Variants in PLG observed in about 807,000 individuals in gnomAD.
The protein encoded by PLG is plasmin.
PLG carries 41 observed loss-of-function variants against 104.4 expected under a neutral mutation model. The ratio of observed to expected loss-of-function variants is 0.39; its 90% CI spans 0.31 to 0.51. The LOEUF (loss-of-function observed/expected upper bound fraction) is 0.51, where lower values mean the gene tolerates loss of function less well. PLG is among the 20% of genes least tolerant of loss of function. PLG has a pLI of 0.76. For synonymous variants in PLG, 337 were observed against 357.1 expected (o/e 0.94, Z 0.63); for missense variants, 891 against 1,003.6 (o/e 0.89, Z 1.52).
chr6:160,713,136 G>T lies in PLG; in HGVS notation c.547+11G>T, dbSNP rs764083978. 8.7e-6 allele frequency: 14 copies of T among 1,606,168 alleles called. No homozygotes were observed. The highest frequency in any genetic ancestry group is 9.4e-6 in the Non-Finnish European group (11 of 1,174,538). ...TTCTTGAGTGTGAAGGTCAGGAGTG[G>T]TTCTAGAAAATGTTTTCATTTCTGC... is the stretch of plus-strand genomic sequence containing the variant. On this transcript the variant is annotated intron_variant, in intron 5 of 18. Transcript: ENST00000308192.
intron 17 of PLG, among the ~76,000 whole-genome samples, chr6:160,746,701 T>A (rs1184818763): frequency 6.6e-6 from 1 of 152,222 alleles, no homozygotes; most frequent in African/African-American, 2.4e-5. Context: ...GGAGGACATA[T>A]GGCACTCCGG....
At chr6:160,709,888 A>C (rs942042065) in intron 3 of PLG, among the ~76,000 whole-genome samples, 2 of 152,250 alleles carry the variant, frequency 1.3e-5, no homozygotes, top group Admixed American at 1.3e-4. Context: ...GGTAACCTTA[A>C]ATGATGGTGT....
At position 160,744,960 on chromosome 6, in the gene PLG, G is replaced by A. The variant is rs778100711; in HGVS notation, c.2125+3543G>A. On this transcript the variant is annotated intron_variant, in intron 17 of 18. Transcript: ENST00000308192. This position sits in a 1 kb window ranked among gnomAD's most constrained non-coding sequence, Gnocchi z 4.5. ...TTGTTTGATTTCCATGTAATTGTACGGTTTTGAGTTATTTTCTTAGTCTTG... is the reference window on the plus strand; with the variant it reads ...TTGTTTGATTTCCATGTAATTGTACAGTTTTGAGTTATTTTCTTAGTCTTG... Among the ~76,000 whole-genome samples the A allele has an allele frequency of 1.3e-4, 20 of 152,104 alleles. No individual in the cohort carries two copies. The highest frequency in any genetic ancestry group is 4.6e-4 in the African/African-American group (19 of 41,416).
intron 5 of PLG, among the ~76,000 whole-genome samples, chr6:160,713,753 T>C: frequency 6.6e-6 from 1 of 152,228 alleles, no homozygotes; most frequent in East Asian, 1.9e-4. Flanking sequence ...AATATATATT[T>C]AATGTGGTAG....
chr6:160,703,841 C>A (rs1463327392), intron 1 of PLG, among the ~76,000 whole-genome samples: 1 of 152,236 alleles, frequency 6.6e-6, no homozygotes, highest in Non-Finnish European at 1.5e-5. Flanking sequence ...TATGTTTTAA[C>A]CCACCTGGTG....
rs1288534971 is a variant in PLG, at chr6:160,732,740, G to A, written c.1587+847G>A. Among the ~76,000 whole-genome samples, 1 of 152,174 alleles carries A rather than the reference G, an allele frequency of 6.6e-6. No homozygotes were observed. The highest frequency in any genetic ancestry group is 1.5e-5 in the Non-Finnish European group (1 of 68,028). Reference sequence around the variant, plus strand: ...ATAAAAGATATTACAAAGGATCCTGGTGAACAGCCAGACAGAAGAGATGCA... The same window carrying A: ...ATAAAAGATATTACAAAGGATCCTGATGAACAGCCAGACAGAAGAGATGCA... On this transcript the variant is annotated intron_variant, in intron 12 of 18. Transcript: ENST00000308192. The surrounding 1 kb of genome is among the most constrained non-coding windows in gnomAD (Gnocchi z 4.5).
intron 5 of PLG, among the ~76,000 whole-genome samples, chr6:160,714,055 G>A (rs1421266211): frequency 6.6e-6 from 1 of 152,170 alleles, no homozygotes; most frequent in African/African-American, 2.4e-5. Flanking sequence ...TGTACACCAT[G>A]TTATAGGTAT....
In PLG at chr6:160,710,260, C is replaced by A. The variant is rs536299082; in HGVS notation, c.293-817C>A. On this transcript the variant is annotated intron_variant, in intron 3 of 18. Transcript: ENST00000308192. ...TAAAAACATTTAATTTAGTTAAAAACCAAACAAAAAAGAGCTTTGTTTCTT... is the reference window on the plus strand; with the variant it reads ...TAAAAACATTTAATTTAGTTAAAAAACAAACAAAAAAGAGCTTTGTTTCTT... 1.1e-4 allele frequency among the ~76,000 whole-genome samples: 17 copies of A among 152,198 alleles called. No homozygotes were observed. In the East Asian group the frequency reaches 2.9e-3, roughly 26 times the overall value.
chr6:160,707,355 G>A lies in PLG; in HGVS notation c.186-345G>A, dbSNP rs184555866. On this transcript the variant is annotated intron_variant, in intron 2 of 18. Transcript: ENST00000308192. ...ATCAGAGTTGGGAGGTCATGGAGAC[G>A]GACTATCTTGGCGAATGGGTTCAAA... Among the ~76,000 whole-genome samples, 21 of 152,174 alleles carry A rather than the reference G, an allele frequency of 1.4e-4. No homozygotes were observed. In the East Asian group the frequency reaches 1.5e-3, roughly 11 times the overall value.
At chr6:160,704,607 G>A (rs1777483799) in intron 1 of PLG, among the ~76,000 whole-genome samples, 2 of 152,262 alleles carry the variant, frequency 1.3e-5, no homozygotes, top group African/African-American at 4.8e-5. Flanking sequence ...CATGGATATG[G>A]GCCTAAAGCA....
Position 160,731,001 on chromosome 6 carries a change from C to G in PLG, c.1257-50C>G, listed in dbSNP as rs1193864191. On this transcript the variant is annotated intron_variant, in intron 10 of 18. Transcript: ENST00000308192. This position sits in a 1 kb window ranked among gnomAD's most constrained non-coding sequence, Gnocchi z 5.1. ...CAAAATGTAGAGGGTGCTGGGTGCCCCTGAATATTCTCCCACCTCTTGTGA... is the reference window on the plus strand; with the variant it reads ...CAAAATGTAGAGGGTGCTGGGTGCCGCTGAATATTCTCCCACCTCTTGTGA... 1.3e-6 allele frequency: 2 copies of G among 1,576,560 alleles called. No individual in the cohort carries two copies. Among genetic ancestry groups the G allele is most frequent in the African/African-American group, 1.4e-5 (1 of 74,064 alleles).
At position 160,722,731 on chromosome 6, in the gene PLG, G is replaced by A. The variant is rs996386174; in HGVS notation, c.1256+164G>A. Among the ~76,000 whole-genome samples the A allele has an allele frequency of 4.6e-5, 7 of 152,336 alleles. No individual in the cohort carries two copies. The East Asian group carries it at 1.2e-3, about 25-fold the overall frequency. On this transcript the variant is annotated intron_variant, in intron 10 of 18. Coordinates refer to ENST00000308192, the MANE Select transcript of PLG (RefSeq NM_000301.5). ...AATCTTGCTTTTGAAGAAAGGGCCT[G>A]CGAGAAGAGAAATTTTAGGCTGGCT...
chr6:160,738,888 G>C lies in PLG; in HGVS notation c.1878-180G>C, dbSNP rs1391736902. On this transcript the variant is annotated intron_variant, in intron 15 of 18. Coordinates refer to ENST00000308192, the MANE Select transcript of PLG (RefSeq NM_000301.5). The surrounding 1 kb of genome is among the most constrained non-coding windows in gnomAD (Gnocchi z 6.8). ...GGCTGTATCAGTCTCTGCCCAAACA[G>C]CCCAAGAACATTCCTTAACTGCCTG... Among the ~76,000 whole-genome samples the C allele has an allele frequency of 6.6e-6, 1 of 152,096 alleles. No individual in the cohort carries two copies. Among genetic ancestry groups the C allele is most frequent in the Admixed American group, 6.6e-5 (1 of 15,264 alleles).
chr6:160,745,250 G>A (rs576782389), intron 17 of PLG, among the ~76,000 whole-genome samples: 1 of 152,298 alleles, frequency 6.6e-6, no homozygotes, highest in Non-Finnish European at 1.5e-5. Context: ...TGTCAGTGGA[G>A]TACTGAAGTC....
intron 7 of PLG, 126 bp downstream of exon 7, chr6:160,716,889 T>C (rs921743539): frequency 4.0e-6 from 3 of 743,788 alleles, no homozygotes; most frequent in Non-Finnish European, 7.5e-6. Flanking sequence ...TGGGATGTTA[T>C]TGGTCTTTAT....
chr6:160,714,144 AC>A (rs1290033091), intron 5 of PLG, among the ~76,000 whole-genome samples: 4 of 152,224 alleles, frequency 2.6e-5, no homozygotes, highest in African/African-American at 4.8e-5. Context: ...AATTTAAGTC[AC>A]ATATTACTCT....
intron 7 of PLG, among the ~76,000 whole-genome samples, chr6:160,717,508 A>G (rs1777756624): frequency 6.6e-6 from 1 of 151,462 alleles, no homozygotes; most frequent in African/African-American, 2.4e-5. Context: ...CCTCAAGAAT[A>G]TCTTGATTTC....
rs141861196 is a variant in PLG, at chr6:160,744,267, C to A, written c.2125+2850C>A. Among the ~76,000 whole-genome samples the A allele has an allele frequency of 2.0e-3, 299 of 152,262 alleles. No homozygotes were observed. The highest frequency in any genetic ancestry group is 6.5e-3 in the African/African-American group (270 of 41,564). ...TCTTCTTTGTACATCTGGTGGAATTCAGCTGTGAATCTATCTGGTCCTGGG... is the reference window on the plus strand; with the variant it reads ...TCTTCTTTGTACATCTGGTGGAATTAAGCTGTGAATCTATCTGGTCCTGGG... On this transcript the variant is annotated intron_variant, in intron 17 of 18. Transcript: ENST00000308192. This position sits in a 1 kb window ranked among gnomAD's most constrained non-coding sequence, Gnocchi z 4.5.
At chr6:160,749,042 G>A (rs1458909513) in intron 17 of PLG, among the ~76,000 whole-genome samples, 7 of 152,206 alleles carry the variant, frequency 4.6e-5, no homozygotes, top group African/African-American at 9.7e-5. Flanking sequence ...GATATAGTGT[G>A]ATAGGCTGCT....
Sources: gnomAD v4.1 joint callset for allele counts (sites outside exome capture counted in the v4.1 genomes callset) on GRCh38, gnomAD v4.1.1 for gene constraint, Gnocchi (gnomAD v3.1) non-coding constraint, MANE v1.5 for transcripts, NCBI Gene and HGNC (gene_info 2026-07-23, HGNC 2026-07-21) for gene names.